The following FIBCD1 variants were observed in gnomAD, a reference collection of about 807,000 sequenced individuals.
The protein encoded by FIBCD1 is fibrinogen C domain containing 1.
Under a neutral mutation model 45.1 loss-of-function variants are expected in FIBCD1, and 47 were observed. The observed-to-expected ratio is 1.04, with a 90% CI of 0.82 to 1.33. The LOEUF (loss-of-function observed/expected upper bound fraction) is 1.33, where lower values mean the gene tolerates loss of function less well. Ranked by LOEUF, FIBCD1 falls within the 40% of genes most tolerant of loss-of-function variation. FIBCD1 has a pLI of 0.00. For missense variants in FIBCD1, 653 were observed against 682.2 expected (o/e 0.96, Z 0.48); for synonymous variants, 313 against 308.1 (o/e 1.02, Z -0.17).
chr9:130,924,417 G>A, intron 2 of FIBCD1, 21 bp from the exon 3 acceptor site: 2 of 1,594,384 alleles, frequency 1.3e-6, no homozygotes, highest in Non-Finnish European at 1.7e-6. Context: ...CAGGGGGTGA[G>A]CCGAGGGGGC....
At chr9:130,915,908 C>T (rs781759507) in intron 4 of FIBCD1, among the ~76,000 whole-genome samples, 3 of 152,182 alleles carry the variant, frequency 2.0e-5, no homozygotes, top group Non-Finnish European at 4.4e-5. Context: ...CCAGACTTAG[C>T]TTAATGCAGA....
Position 130,939,192 on chromosome 9 carries a change from C to T in FIBCD1, c.-585G>A, listed in dbSNP as rs1832573897. On this transcript the variant is annotated 5_prime_UTR_variant, in exon 1 of 7. Coordinates refer to ENST00000372338, the MANE Select transcript of FIBCD1 (RefSeq NM_032843.5). Reference sequence around the variant, plus strand: ...CCCCCCGGCGGCGCCTCTGCACAAACTTCCTCCCGGACCGGACTCACACAA... The same window carrying T: ...CCCCCCGGCGGCGCCTCTGCACAAATTTCCTCCCGGACCGGACTCACACAA... 6.6e-6 allele frequency: 1 copy of T among 152,054 alleles called. No individual in the cohort carries two copies. Among genetic ancestry groups the T allele is most frequent in the African/African-American group, 2.4e-5 (1 of 41,420 alleles). 9.4% of individuals were successfully genotyped at this position (152,054 alleles called of 1,614,324 possible). A position where few individuals can be genotyped will look rare whatever the true frequency, so the allele number is the denominator to read the frequency against.
At chr9:130,927,298 A>G (rs1471328450) in intron 2 of FIBCD1, among the ~76,000 whole-genome samples, 1 of 152,040 alleles carries the variant, frequency 6.6e-6, no homozygotes, top group Non-Finnish European at 1.5e-5. Context: ...GTGGCTCCCT[A>G]TAGGTTTAAA....
Position 130,905,421 on chromosome 9 carries a change from T to TG in FIBCD1, c.947-9dup. 6.2e-7 allele frequency: 1 copy of TG among 1,601,804 alleles called. No individual in the cohort carries two copies. Among genetic ancestry groups the TG allele is most frequent in the Non-Finnish European group, 8.5e-7 (1 of 1,172,774 alleles). ...CGTGGATCCTCTTGAGCCCTGAAGT[T>TG]GGGGGGAAAATGGTGGGAGAAGCTG... On this transcript the variant is annotated splice_polypyrimidine_tract_variant and intron_variant, in intron 5 of 6. Transcript: ENST00000372338.
intron 1 of FIBCD1, among the ~76,000 whole-genome samples, chr9:130,933,447 C>G (rs1356134318): frequency 6.6e-6 from 1 of 152,136 alleles, no homozygotes; most frequent in South Asian, 2.1e-4. Flanking sequence ...GGAGAGAGAC[C>G]GGGGCCTGAG....
chr9:130,939,520 T>A (rs1358288134), upstream of FIBCD1, among the ~76,000 whole-genome samples: 2 of 152,002 alleles, frequency 1.3e-5, no homozygotes, highest in Non-Finnish European at 2.9e-5. Flanking sequence ...CGCAGACCCG[T>A]GCCCTCGCGC....
At chr9:130,914,669 C>T (rs867372193) in intron 4 of FIBCD1, among the ~76,000 whole-genome samples, 3 of 152,220 alleles carry the variant, frequency 2.0e-5, no homozygotes, top group Admixed American at 1.3e-4. Context: ...CAAGAAGCCC[C>T]GGTAGCCCAG....
Position 130,911,891 on chromosome 9 carries a change from G to A in FIBCD1, c.850-3C>T, listed in dbSNP as rs748861995. On this transcript the variant is annotated splice_region_variant and splice_polypyrimidine_tract_variant and intron_variant, in intron 4 of 6. Coordinates refer to ENST00000372338, the MANE Select transcript of FIBCD1 (RefSeq NM_032843.5). ...CCGTCCTCCCGGCGCTGAAACACCT[G>A]CAAAGGGAAGATGGGGATGGGGCGT... 2.3e-5 allele frequency: 36 copies of A among 1,569,088 alleles called. No homozygotes were observed. The African/African-American group carries it at 3.8e-4, about 17-fold the overall frequency.
chr9:130,911,594 C>T (rs376449026), intron 5 of FIBCD1, among the ~76,000 whole-genome samples, 198 bp downstream of exon 5: 3 of 152,360 alleles, frequency 2.0e-5, no homozygotes, highest in Middle Eastern at 3.4e-3. Flanking sequence ...CCCACGCTGA[C>T]ACTTCCGTTG....
At chr9:130,932,493 C>T (rs1832458105) in intron 1 of FIBCD1, among the ~76,000 whole-genome samples, 1 of 152,224 alleles carries the variant, frequency 6.6e-6, no homozygotes. Flanking sequence ...CCCAAATGCA[C>T]AGTTCCCCTC....
chr9:130,929,678 C>T lies in FIBCD1; in HGVS notation c.441G>A (p.Leu147=). 1 of 1,602,738 alleles carries T rather than the reference C, an allele frequency of 6.2e-7. No homozygotes were observed. Among genetic ancestry groups the T allele is most frequent in the African/African-American group, 1.3e-5 (1 of 74,820 alleles). ...TCTGCAGCTCTGAGGCTCGGGCCAG[C>T]AGCCGGGGCAGCTGGTCGGCCAGCG... ...LDTLADQLPR[L]LARASELQTE... is the part of the protein sequence containing the mutation. The change falls in exon 2 of 7, where the codon CTG becomes CTA. Residue 147 remains leucine, a synonymous_variant. Coordinates refer to ENST00000372338, the MANE Select transcript of FIBCD1 (RefSeq NM_032843.5).
In FIBCD1 at chr9:130,923,796, G is replaced by T; in HGVS notation, c.797C>A (p.Pro266Gln). 4 of 1,612,924 alleles carry T rather than the reference G, an allele frequency of 2.5e-6. No individual in the cohort carries two copies. Among genetic ancestry groups the T allele is most frequent in the South Asian group, 2.2e-5 (2 of 91,066 alleles). The change falls in exon 4 of 7, where the codon CCG (proline) becomes CAG (glutamine). Residue 266 changes from proline (P) to glutamine (Q), a missense_variant. Coordinates refer to ENST00000372338, the MANE Select transcript of FIBCD1 (RefSeq NM_032843.5). The stretch of plus-strand genomic sequence containing the variant: ...GTCACAGTACACCTGGAAGCCGGCC[G>T]GGTAGTGGGTGGGAAAGACAGAGTA... ...GVYSVFPTHY[P>Q]AGFQVYCDMR...
chr9:130,909,214 T>C (rs139808901), intron 5 of FIBCD1, among the ~76,000 whole-genome samples: 17 of 152,136 alleles, frequency 1.1e-4, no homozygotes, highest in African/African-American at 3.9e-4. Flanking sequence ...ACTCCCGGGA[T>C]GTCCTCACCC....
intron 1 of FIBCD1, chr9:130,934,009 T>C (rs1832482163): frequency 6.6e-6 from 1 of 152,358 alleles, no homozygotes. Context: ...AAACACATCC[T>C]GGGGCTTTGC....
intron 2 of FIBCD1, among the ~76,000 whole-genome samples, chr9:130,927,742 C>T (rs747809785): frequency 1.3e-5 from 2 of 152,230 alleles, no homozygotes; most frequent in Non-Finnish European, 2.9e-5. Context: ...GATCTCGGCT[C>T]ACTGCAACCT....
chr9:130,928,438 G>C (rs1223102633), intron 2 of FIBCD1, among the ~76,000 whole-genome samples: 2 of 152,210 alleles, frequency 1.3e-5, no homozygotes, highest in Non-Finnish European at 2.9e-5. Flanking sequence ...CAGCCCTGCT[G>C]ATGAGGCCTG....
chr9:130,916,980 C>A (rs1023813334), intron 4 of FIBCD1, among the ~76,000 whole-genome samples: 1 of 152,172 alleles, frequency 6.6e-6, no homozygotes, highest in Non-Finnish European at 1.5e-5. Context: ...CGCCTTTAAT[C>A]CCAGCTACTC....
At chr9:130,935,497 G>C (rs144449118) in intron 1 of FIBCD1, among the ~76,000 whole-genome samples, 1 of 152,216 alleles carries the variant, frequency 6.6e-6, no homozygotes, top group East Asian at 1.9e-4. Flanking sequence ...GTCCAAGGTC[G>C]CCCGACAAAG....
chr9:130,929,774 C>A lies in FIBCD1; in HGVS notation c.345G>T (p.Val115=). 1 of 1,557,926 alleles carries A rather than the reference C, an allele frequency of 6.4e-7. No homozygotes were observed. Among genetic ancestry groups the A allele is most frequent in the East Asian group, 2.4e-5 (1 of 41,386 alleles). Residue 115 remains valine, a synonymous_variant, in exon 2 of 7, where the codon GTG becomes GTT. Coordinates refer to ENST00000372338, the MANE Select transcript of FIBCD1 (RefSeq NM_032843.5). ...CCTGGTGCTCTGTCAGCGCCTGCAG[C>A]ACCGAGGCCTGGGCGCTCTCCAGGC... The part of the protein sequence containing the change: ...FARLESAQAS[V]LQALTEHQAQ...
Sources: gnomAD v4.1 joint callset for allele counts (sites outside exome capture counted in the v4.1 genomes callset) on GRCh38, gnomAD v4.1.1 for gene constraint, MANE v1.5 for transcripts, NCBI Gene and HGNC (gene_info 2026-07-23, HGNC 2026-07-21) for gene names.